Variants in KSR2 observed in about 807,000 individuals in gnomAD.
KSR2 encodes kinase suppressor of ras 2.
Under a neutral mutation model 107.8 loss-of-function variants are expected in KSR2, and 25 were observed. The observed-to-expected ratio is 0.23, with a 90% CI of 0.17 to 0.32. The LOEUF is 0.32. Among genes scored for constraint, KSR2 ranks in the 10% least tolerant of loss-of-function variants. KSR2 has a pLI of 1.00. For synonymous variants in KSR2, 480 were observed against 507.0 expected (o/e 0.95, Z 0.71); for missense variants, 887 against 1,268.9 (o/e 0.70, Z 4.57).
chr12:117,705,659 C>T (rs2136634387), intron 4 of KSR2, among the ~76,000 whole-genome samples: 1 of 152,318 alleles, frequency 6.6e-6, no homozygotes, highest in Non-Finnish European at 1.5e-5. Context: ...AGAAACCAGG[C>T]TTGTAGCTAA....
At chr12:117,854,593 A>T (rs1014857368) in intron 3 of KSR2, among the ~76,000 whole-genome samples, 1 of 152,164 alleles carries the variant, frequency 6.6e-6, no homozygotes, top group Non-Finnish European at 1.5e-5. Flanking sequence ...CTCAACAGTG[A>T]CACCTTGTGG....
intron 1 of KSR2, among the ~76,000 whole-genome samples, chr12:117,908,263 CTT>C (rs201939871): frequency 2.8e-5 from 4 of 141,572 alleles, no homozygotes; most frequent in African/African-American, 5.2e-5. Flanking sequence ...TTGTTTGCGC[CTT>C]TTTTTTTTTT....
intron 14 of KSR2, among the ~76,000 whole-genome samples, chr12:117,498,914 C>T (rs995852273): frequency 6.6e-6 from 1 of 152,206 alleles, no homozygotes; most frequent in African/African-American, 2.4e-5. Context: ...TTGTAAATTG[C>T]CTAGTCTCAG....
intron 3 of KSR2, among the ~76,000 whole-genome samples, chr12:117,836,414 A>G (rs1445984917): frequency 6.6e-6 from 1 of 152,182 alleles, no homozygotes; most frequent in Non-Finnish European, 1.5e-5. Context: ...TTTGGGTTGT[A>G]TGATTCCCAA....
chr12:117,961,340 C>G (rs1395271405), intron 1 of KSR2, among the ~76,000 whole-genome samples: 1 of 152,126 alleles, frequency 6.6e-6, no homozygotes, highest in African/African-American at 2.4e-5. Context: ...CAAGAACACC[C>G]TCCTTGGACT....
intron 5 of KSR2, among the ~76,000 whole-genome samples, chr12:117,619,223 T>A (rs532017738): frequency 3.3e-4 from 48 of 147,648 alleles, no homozygotes; most frequent in Middle Eastern, 3.4e-3. Context: ...TTTTTTTTTT[T>A]ATTCTACTTT....
intron 4 of KSR2, among the ~76,000 whole-genome samples, chr12:117,741,910 T>G (rs1324112401): frequency 6.6e-6 from 1 of 152,156 alleles, no homozygotes; most frequent in African/African-American, 2.4e-5. Flanking sequence ...ATTTATGTAG[T>G]TTAAAAATAT....
chr12:117,728,732 G>C (rs77215091), intron 4 of KSR2, among the ~76,000 whole-genome samples: 2 of 152,198 alleles, frequency 1.3e-5, no homozygotes, highest in Non-Finnish European at 2.9e-5. Context: ...GGCTTGGGCT[G>C]AGCTGCAGAC....
intron 4 of KSR2, among the ~76,000 whole-genome samples, chr12:117,699,197 G>A (rs1197755802): frequency 6.6e-6 from 1 of 152,206 alleles, no homozygotes; most frequent in Non-Finnish European, 1.5e-5. Context: ...TAGCTCCTAA[G>A]GTAGTGCATA....
intron 14 of KSR2, among the ~76,000 whole-genome samples, chr12:117,507,199 T>C (rs948623911): frequency 2.6e-5 from 4 of 152,218 alleles, no homozygotes; most frequent in Non-Finnish European, 5.9e-5. Context: ...GTGCCCGTTC[T>C]ATACAGCAGG....
At chr12:117,587,660 G>A (rs1880084994) in intron 5 of KSR2, among the ~76,000 whole-genome samples, 1 of 152,102 alleles carries the variant, frequency 6.6e-6, no homozygotes, top group South Asian at 2.1e-4. Flanking sequence ...TGGTTTCAAG[G>A]GGATACGGTG....
chr12:117,718,396 G>A (rs1392299221), intron 4 of KSR2, among the ~76,000 whole-genome samples: 1 of 152,226 alleles, frequency 6.6e-6, no homozygotes, highest in East Asian at 1.9e-4. Flanking sequence ...AGTCACTCCA[G>A]TTGGAATGAT....
chr12:117,761,579 A>G lies in KSR2; in HGVS notation c.473-55T>C, dbSNP rs115983733. 1.7e-3 allele frequency: 2,567 copies of G among 1,544,016 alleles called. 44 individuals carry two copies. In the African/African-American group the frequency reaches 0.031, roughly 19 times the overall value. ...GGGTAAGCCATGAGAAAGCCAGGTGAGTTACACCATACACACCATTACATC... is the reference window on the plus strand; with the variant it reads ...GGGTAAGCCATGAGAAAGCCAGGTGGGTTACACCATACACACCATTACATC... On this transcript the variant is annotated intron_variant, in intron 3 of 19. Coordinates refer to ENST00000339824, the MANE Select transcript of KSR2 (RefSeq NM_173598.6).
rs1258998582 is a variant in KSR2 at position 117,772,938 on chromosome 12, T to C, written c.473-11414A>G. On this transcript the variant is annotated intron_variant, in intron 3 of 19. Transcript: ENST00000339824. Reference sequence around the variant, plus strand: ...ACCCTCTGCCAAATTATCTTTCCCATGAAATTATCTTCCTCTCCACCCCTA... The same window carrying C: ...ACCCTCTGCCAAATTATCTTTCCCACGAAATTATCTTCCTCTCCACCCCTA... Among the ~76,000 whole-genome samples, 5 of 152,206 alleles carry C rather than the reference T, an allele frequency of 3.3e-5. No individual in the cohort carries two copies. The East Asian group carries it at 9.6e-4, about 29-fold the overall frequency.
At chr12:117,533,988 C>G (rs375920142) in intron 10 of KSR2, among the ~76,000 whole-genome samples, 1 of 152,128 alleles carries the variant, frequency 6.6e-6, no homozygotes, top group African/African-American at 2.4e-5. Flanking sequence ...ATGACAGACA[C>G]CATCAAGAAG....
chr12:117,840,730 T>C (rs192649191), intron 3 of KSR2, among the ~76,000 whole-genome samples: 81 of 151,236 alleles, frequency 5.4e-4, no homozygotes, highest in African/African-American at 1.9e-3. Flanking sequence ...AAGCCAGGCA[T>C]GGTGGCTTAC....
chr12:117,574,849 C>T (rs1418483343), intron 7 of KSR2, among the ~76,000 whole-genome samples: 1 of 149,608 alleles, frequency 6.7e-6, no homozygotes, highest in African/African-American at 2.5e-5. Flanking sequence ...TCCCTGTCAC[C>T]CAGGGAGTTT....
At chr12:117,903,453 A>G (rs1305920275) in intron 1 of KSR2, among the ~76,000 whole-genome samples, 1 of 152,220 alleles carries the variant, frequency 6.6e-6, no homozygotes, top group African/African-American at 2.4e-5. Context: ...AGTATATCCC[A>G]AATACTACAT....
rs117905040 is a variant in KSR2, at chr12:117,509,150, T to A, written c.2219+15702A>T. ...AGGAGGTACATGGTCCAGCTAAAGA[T>A]GAAGCAGATAATGTTATAATCATTT... On this transcript the variant is annotated intron_variant, in intron 14 of 19. Transcript: ENST00000339824. Among the ~76,000 whole-genome samples the A allele has an allele frequency of 7.1e-3, 1,080 of 152,250 alleles. 10 individuals are homozygous for A. The highest frequency in any genetic ancestry group is 0.052 in the East Asian group (268 of 5,172).
Sources: gnomAD v4.1 joint callset for allele counts (sites outside exome capture counted in the v4.1 genomes callset) on GRCh38, gnomAD v4.1.1 for gene constraint, MANE v1.5 for transcripts, NCBI Gene and HGNC (gene_info 2026-07-23, HGNC 2026-07-21) for gene names.